CTNNA3: variants seen among roughly 807,000 people sequenced by gnomAD.
The protein encoded by CTNNA3 is catenin alpha 3.
A neutral mutation model predicts 95.7 loss-of-function variants in CTNNA3; 76 were observed. That is an observed-to-expected ratio of 0.79 (90% CI 0.66 to 0.96). The LOEUF is 0.96. Among genes scored for constraint, CTNNA3 ranks in the 40% least tolerant of loss-of-function variants. The pLI, the probability that CTNNA3 is intolerant of heterozygous loss-of-function variation, is 0.00. For synonymous variants in CTNNA3, 431 were observed against 374.4 expected (o/e 1.15, Z -1.74); for missense variants, 1,191 against 1,089.8 (o/e 1.09, Z -1.31).
At chr10:66,819,860 G>A (rs988607889) in intron 7 of CTNNA3, among the ~76,000 whole-genome samples, 1 of 152,056 alleles carries the variant, frequency 6.6e-6, no homozygotes, top group Non-Finnish European at 1.5e-5. Flanking sequence ...GTGGAAAATG[G>A]GAAACCTTGC....
chr10:67,516,152 C>T (rs557562660), intron 5 of CTNNA3, among the ~76,000 whole-genome samples: 68 of 152,032 alleles, frequency 4.5e-4, no homozygotes, highest in Non-Finnish European at 7.7e-4. Flanking sequence ...TTAGTAGAGA[C>T]GGGGTTTCAC....
chr10:66,090,945 T>C (rs965603291), intron 14 of CTNNA3, among the ~76,000 whole-genome samples: 1 of 151,978 alleles, frequency 6.6e-6, no homozygotes, highest in Non-Finnish European at 1.5e-5. Flanking sequence ...ACTTTCACCG[T>C]ACAAAGGTAA....
chr10:66,422,909 C>T (rs778602743), intron 11 of CTNNA3, among the ~76,000 whole-genome samples: 9 of 151,886 alleles, frequency 5.9e-5, no homozygotes, highest in Non-Finnish European at 1.3e-4. Context: ...GAATTACAGA[C>T]GTGAGCCACC....
At chr10:66,054,991 A>G (rs1267360812) in intron 15 of CTNNA3, among the ~76,000 whole-genome samples, 4 of 152,162 alleles carry the variant, frequency 2.6e-5, no homozygotes, top group East Asian at 1.9e-4. Context: ...CCTTTTCCCA[A>G]TGTATTTTCT....
intron 12 of CTNNA3, among the ~76,000 whole-genome samples, chr10:66,333,853 T>C (rs2092362322): frequency 6.6e-6 from 1 of 151,738 alleles, no homozygotes. Flanking sequence ...ATTATTATTG[T>C]GTGGGAGTCT....
At chr10:67,291,000 G>A (rs1839815987) in intron 5 of CTNNA3, among the ~76,000 whole-genome samples, 1 of 152,096 alleles carries the variant, frequency 6.6e-6, no homozygotes, top group African/African-American at 2.4e-5. Context: ...TATAATAGGT[G>A]ATGTTACAGA....
At chr10:67,761,130 G>T (rs1420346843) in intron 1 of CTNNA3, among the ~76,000 whole-genome samples, 2 of 152,100 alleles carry the variant, frequency 1.3e-5, no homozygotes, top group Admixed American at 1.3e-4. Flanking sequence ...TAGTGTTTGT[G>T]TATATAAACA....
chr10:66,589,176 C>A (rs1345178599), intron 10 of CTNNA3, among the ~76,000 whole-genome samples: 2 of 151,722 alleles, frequency 1.3e-5, no homozygotes, highest in Non-Finnish European at 2.9e-5. Flanking sequence ...TATAAGAGGG[C>A]TTCCAGTGAT....
At chr10:66,426,087 T>C (rs746882040) in intron 11 of CTNNA3, among the ~76,000 whole-genome samples, 92 of 152,170 alleles carry the variant, frequency 6.0e-4, no homozygotes, top group Non-Finnish European at 1.0e-3. Flanking sequence ...TTTTGTAGTA[T>C]TCCACTGTGT....
intron 13 of CTNNA3, among the ~76,000 whole-genome samples, chr10:66,142,440 G>T (rs2083666603): frequency 6.6e-6 from 1 of 151,966 alleles, no homozygotes; most frequent in Non-Finnish European, 1.5e-5. Flanking sequence ...CTCAATGTTG[G>T]TCCTCCAACT....
Position 66,011,466 on chromosome 10 carries a change from A to G in CTNNA3, c.2160-22669T>C, listed in dbSNP as rs896654793. 4.3e-4 allele frequency among the ~76,000 whole-genome samples: 66 copies of G among 152,252 alleles called. 1 individual carries two copies. Among genetic ancestry groups the G allele is most frequent in the Admixed American group, 4.3e-3 (66 of 15,272 alleles). On this transcript the variant is annotated intron_variant, in intron 15 of 17. Coordinates refer to ENST00000433211, the MANE Select transcript of CTNNA3 (RefSeq NM_013266.4). ...TTTCACAGAAGTTTTAATGCTACCC[A>G]TACTGGTAAGTTTTAATTGTATGGC... is the stretch of plus-strand genomic sequence containing the variant.
At chr10:66,457,764 GTGA>G (rs1463785413) in intron 11 of CTNNA3, among the ~76,000 whole-genome samples, 1 of 152,048 alleles carries the variant, frequency 6.6e-6, no homozygotes, top group African/African-American at 2.4e-5. Flanking sequence ...AGCGAGTAAT[GTGA>G]TGATGTATCA....
chr10:66,768,202 T>C (rs1839943627), intron 8 of CTNNA3, among the ~76,000 whole-genome samples: 1 of 152,176 alleles, frequency 6.6e-6, no homozygotes, highest in Non-Finnish European at 1.5e-5. Context: ...ATTCTTTTCT[T>C]CTTTCATTCA....
chr10:66,104,811 T>C (rs2081819812), intron 13 of CTNNA3, among the ~76,000 whole-genome samples: 3 of 152,250 alleles, frequency 2.0e-5, no homozygotes, highest in Admixed American at 2.0e-4. Context: ...TTAGACTAGC[T>C]CTGGTTTGCC....
chr10:66,727,943 A>G (rs1848829621), intron 9 of CTNNA3, among the ~76,000 whole-genome samples: 4 of 152,340 alleles, frequency 2.6e-5, no homozygotes, highest in Admixed American at 6.5e-5. Flanking sequence ...ATAAAAAGCC[A>G]CATTTTTAAT....
chr10:67,534,022 A>C (rs1198674477), intron 4 of CTNNA3, among the ~76,000 whole-genome samples: 1 of 152,046 alleles, frequency 6.6e-6, no homozygotes, highest in East Asian at 1.9e-4. Context: ...GAACAAAAAC[A>C]GAAAATGTAG....
intron 3 of CTNNA3, among the ~76,000 whole-genome samples, chr10:67,547,991 A>T (rs1021245793): frequency 2.0e-5 from 3 of 152,210 alleles, no homozygotes; most frequent in African/African-American, 7.2e-5. Flanking sequence ...TCCCTGACTG[A>T]TATCGCTTAG....
chr10:66,435,259 G>A (rs1000793885), intron 11 of CTNNA3, among the ~76,000 whole-genome samples: 6 of 152,112 alleles, frequency 3.9e-5, no homozygotes, highest in African/African-American at 1.4e-4. Flanking sequence ...GAATTTGGCT[G>A]TGAATCTGTC....
chr10:67,517,619 T>C (rs1336906618), intron 5 of CTNNA3, among the ~76,000 whole-genome samples: 2 of 152,168 alleles, frequency 1.3e-5, no homozygotes, highest in Non-Finnish European at 2.9e-5. Context: ...GAATGTATTA[T>C]TAACCTGAAT....
Sources: allele counts gnomAD v4.1 joint callset (sites outside exome capture counted in the v4.1 genomes callset), GRCh38; gene constraint gnomAD v4.1.1; transcripts MANE v1.5; gene names NCBI Gene and HGNC (gene_info 2026-07-23, HGNC 2026-07-21).